KCNJ6: variants seen among roughly 807,000 people sequenced by gnomAD.
KCNJ6 encodes the protein potassium inwardly rectifying channel subfamily J member 6, also known as G protein-activated inward rectifier potassium channel 2.
Under a neutral mutation model 34.2 loss-of-function variants are expected in KCNJ6, and 9 were observed. That is an observed-to-expected ratio of 0.26 (90% CI 0.16 to 0.46). The LOEUF (loss-of-function observed/expected upper bound fraction) is 0.46. KCNJ6 is among the 20% of genes least tolerant of loss of function. The probability of loss-of-function intolerance (pLI) is 1.00; values close to 1 mark genes in which losing one functional copy is unlikely to be tolerated. For synonymous variants in KCNJ6, 196 were observed against 207.1 expected, an observed-to-expected ratio of 0.95 and a Z score of 0.46; for missense variants, 236 against 531.3, an observed-to-expected ratio of 0.44 and a Z score of 5.46.
At chr21:37,742,007 A>G (rs2054943572) in intron 2 of KCNJ6, among the ~76,000 whole-genome samples, 2 of 152,168 alleles carry the variant, frequency 1.3e-5, no homozygotes. Flanking sequence ...GGGAGTGAGA[A>G]AGCTTCATGT....
At chr21:37,887,192 A>G (rs2055740207) in intron 1 of KCNJ6, among the ~76,000 whole-genome samples, 1 of 152,148 alleles carries the variant, frequency 6.6e-6, no homozygotes, top group Non-Finnish European at 1.5e-5. Flanking sequence ...CCCAAAGTGA[A>G]ATAACTCTTA....
chr21:37,692,634 C>T (rs894384656), intron 3 of KCNJ6, among the ~76,000 whole-genome samples: 1 of 152,172 alleles, frequency 6.6e-6, no homozygotes, highest in African/African-American at 2.4e-5. Context: ...GGCCTTCCTG[C>T]TCTCTGAAAT....
At chr21:37,865,040 A>T (rs1193303878) in intron 1 of KCNJ6, among the ~76,000 whole-genome samples, 2 of 152,158 alleles carry the variant, frequency 1.3e-5, no homozygotes, top group African/African-American at 4.8e-5. Context: ...TGAGGCTTCA[A>T]GAGAAGCTGG....
At chr21:37,903,698 A>G (rs1225916363) in intron 1 of KCNJ6, among the ~76,000 whole-genome samples, 2 of 152,022 alleles carry the variant, frequency 1.3e-5, no homozygotes, top group African/African-American at 4.8e-5. Context: ...TTATTTTAGC[A>G]ATATCAATAG....
intron 3 of KCNJ6, among the ~76,000 whole-genome samples, chr21:37,653,752 G>T (rs1183549451): frequency 6.6e-6 from 1 of 152,144 alleles, no homozygotes; most frequent in Non-Finnish European, 1.5e-5. Flanking sequence ...TAATTATCTT[G>T]CCTTTCTTAT....
chr21:37,793,485 AT>A (rs1212323540), intron 2 of KCNJ6, among the ~76,000 whole-genome samples: 1 of 137,862 alleles, frequency 7.3e-6, no homozygotes, highest in African/African-American at 2.7e-5. Context: ...AGTGAGAGCT[AT>A]TGTGAACCAA....
intron 2 of KCNJ6, among the ~76,000 whole-genome samples, chr21:37,816,278 G>A (rs1601485504): frequency 1.3e-5 from 2 of 152,164 alleles, no homozygotes; most frequent in Admixed American, 1.3e-4. Context: ...TTGGAGGACC[G>A]GTTTACATTC....
At chr21:37,866,733 G>A (rs1282669900) in intron 1 of KCNJ6, among the ~76,000 whole-genome samples, 2 of 152,212 alleles carry the variant, frequency 1.3e-5, no homozygotes, top group African/African-American at 4.8e-5. Context: ...ACCAGGCCAT[G>A]GTCAAGAGGA....
intron 3 of KCNJ6, among the ~76,000 whole-genome samples, chr21:37,684,498 T>A (rs897195602): frequency 2.0e-5 from 3 of 152,228 alleles, no homozygotes; most frequent in African/African-American, 7.2e-5. Context: ...GACTTTACCA[T>A]ATGAATTTTG....
chr21:37,609,007 C>T lies in KCNJ6; in HGVS notation c.*16152G>A, dbSNP rs1426153404. The T allele has an allele frequency of 1.3e-5, 2 of 152,196 alleles. No individual in the cohort carries two copies. The highest frequency in any genetic ancestry group is 1.3e-4 in the Admixed American group (2 of 15,272). 9.4% of individuals were successfully genotyped at this position (152,196 alleles called of 1,614,324 possible). A position where few individuals can be genotyped will look rare whatever the true frequency, so the allele number is the denominator to read the frequency against. Reference sequence around the variant, plus strand: ...AAAAATACAAGTGTGTGCCTGCTCCCAGCATTGACGAGCTTCATGAACCTT... The same window carrying T: ...AAAAATACAAGTGTGTGCCTGCTCCTAGCATTGACGAGCTTCATGAACCTT... On this transcript the variant is annotated 3_prime_UTR_variant, in exon 4 of 4. Transcript: ENST00000609713.
intron 3 of KCNJ6, among the ~76,000 whole-genome samples, chr21:37,665,771 A>C (rs1372549445): frequency 6.6e-6 from 1 of 152,234 alleles, no homozygotes. Flanking sequence ...GCTGCTGTTT[A>C]GTAATTCAAA....
At chr21:37,763,370 A>G (rs927914372) in intron 2 of KCNJ6, among the ~76,000 whole-genome samples, 2 of 152,100 alleles carry the variant, frequency 1.3e-5, no homozygotes, top group East Asian at 3.9e-4. Context: ...GGACAACACC[A>G]TCACCTCGTC....
chr21:37,825,468 A>T (rs1218739033), intron 2 of KCNJ6, among the ~76,000 whole-genome samples: 1 of 152,182 alleles, frequency 6.6e-6, no homozygotes, highest in African/African-American at 2.4e-5. Flanking sequence ...AACATTTCAT[A>T]TATACAAACT....
intron 3 of KCNJ6, among the ~76,000 whole-genome samples, chr21:37,667,971 C>A (rs543285503): frequency 6.6e-6 from 1 of 152,022 alleles, no homozygotes; most frequent in South Asian, 2.1e-4. Flanking sequence ...TTCTTAAAAG[C>A]GCAGGGGCCT....
intron 3 of KCNJ6, among the ~76,000 whole-genome samples, chr21:37,673,448 G>C (rs1225424387): frequency 1.3e-5 from 2 of 152,334 alleles, no homozygotes; most frequent in East Asian, 3.9e-4. Context: ...TCCTTCCTGG[G>C]GCTCCAGGCT....
chr21:37,849,975 C>T (rs1418041453), intron 1 of KCNJ6, among the ~76,000 whole-genome samples: 1 of 152,190 alleles, frequency 6.6e-6, no homozygotes, highest in Non-Finnish European at 1.5e-5. Context: ...AATGGAATGT[C>T]CCTGAACAGC....
intron 2 of KCNJ6, among the ~76,000 whole-genome samples, chr21:37,746,686 G>A (rs947591675): frequency 2.6e-5 from 4 of 152,102 alleles, no homozygotes; most frequent in Admixed American, 2.0e-4. Flanking sequence ...CGTCTCCTGC[G>A]ACCTTAAACC....
chr21:37,739,927 T>C (rs2054932025), intron 2 of KCNJ6, among the ~76,000 whole-genome samples: 1 of 143,506 alleles, frequency 7.0e-6, no homozygotes, highest in Non-Finnish European at 1.5e-5. Context: ...AAAAAAAAGA[T>C]CAGGTGTTGT....
At chr21:37,754,935 A>C (rs1847926679) in intron 2 of KCNJ6, among the ~76,000 whole-genome samples, 1 of 152,162 alleles carries the variant, frequency 6.6e-6, no homozygotes. Flanking sequence ...AAAGCCGGAG[A>C]GGTATTGCTG....
Sources: gnomAD v4.1 joint callset for allele counts (sites outside exome capture counted in the v4.1 genomes callset) on GRCh38, gnomAD v4.1.1 for gene constraint, MANE v1.5 for transcripts, NCBI Gene and HGNC (gene_info 2026-07-23, HGNC 2026-07-21) for gene names.